The following GRIN2A variants were observed in gnomAD, a reference collection of about 807,000 sequenced individuals.
GRIN2A encodes the protein glutamate ionotropic receptor NMDA type subunit 2A.
In GRIN2A, 22 loss-of-function variants were observed where a neutral mutation model predicts 113.4. The ratio of observed to expected loss-of-function variants is 0.19; its 90% confidence interval spans 0.14 to 0.28. GRIN2A has a LOEUF of 0.28. Ranked by LOEUF, GRIN2A falls within the 10% of genes least tolerant of loss-of-function variation. The pLI is 1.00. For synonymous variants in GRIN2A, 827 were observed against 738.4 expected, an observed-to-expected ratio of 1.12 and a Z score of -1.94; for missense variants, 1,502 against 1,887.0, an observed-to-expected ratio of 0.80 and a Z score of 3.78.
chr16:9,920,945 C>A (rs982202989), intron 3 of GRIN2A, among the ~76,000 whole-genome samples: 4 of 152,150 alleles, frequency 2.6e-5, no homozygotes, highest in African/African-American at 9.7e-5. Flanking sequence ...TACTAAGATT[C>A]CCTTGCTGGG....
intron 4 of GRIN2A, among the ~76,000 whole-genome samples, 192 bp from the exon 5 acceptor site, chr16:9,850,153 C>T (rs1016648668): frequency 6.6e-6 from 1 of 152,168 alleles, no homozygotes; most frequent in African/African-American, 2.4e-5. Flanking sequence ...AGTTCTCCAT[C>T]CCAGCCGCCC....
chr16:10,169,962 T>C (rs778780633), intron 2 of GRIN2A, among the ~76,000 whole-genome samples: 3 of 152,118 alleles, frequency 2.0e-5, no homozygotes, highest in Admixed American at 6.5e-5. Context: ...CAATACAAAA[T>C]AAACAAACAA....
chr16:9,932,441 T>A (rs1009250378), intron 3 of GRIN2A, among the ~76,000 whole-genome samples: 5 of 152,150 alleles, frequency 3.3e-5, no homozygotes, highest in African/African-American at 1.2e-4. Flanking sequence ...AGTGACGTGA[T>A]CTCAGCTCAC....
chr16:9,920,123 T>C (rs1175462281), intron 3 of GRIN2A, among the ~76,000 whole-genome samples: 1 of 152,220 alleles, frequency 6.6e-6, no homozygotes, highest in East Asian at 1.9e-4. Flanking sequence ...TTTTCTGTTT[T>C]GTGCGTGACT....
intron 4 of GRIN2A, among the ~76,000 whole-genome samples, chr16:9,878,336 A>C (rs912570090): frequency 6.6e-5 from 10 of 152,190 alleles, no homozygotes; most frequent in Admixed American, 6.5e-4. Context: ...TTTCTCTCCT[A>C]TAACATGAGG....
At chr16:9,844,665 G>A (rs763908873) in intron 5 of GRIN2A, among the ~76,000 whole-genome samples, 15 of 152,196 alleles carry the variant, frequency 9.9e-5, no homozygotes, top group Non-Finnish European at 1.8e-4. Flanking sequence ...ACAGCCATGC[G>A]AGTCAGAGCT....
rs1157097600 is a variant in GRIN2A, at chr16:9,938,342, A to G, written c.624T>C (p.Thr208=). The G allele has an allele frequency of 6.2e-7, 1 of 1,613,946 alleles. No individual in the cohort carries two copies. The highest frequency in any genetic ancestry group is 1.3e-5 in the African/African-American group (1 of 74,924). ...WDMQNVITLD[T]SFEDAKTQVQ... is the part of the protein sequence containing the mutation. ...CTTGTGTCTTTGCATCCTCAAAGGA[A>G]GTGTCCAGTGTGATCACATTCTGCA... The change falls in exon 3 of 13, where the codon ACT becomes ACC. Residue 208 remains threonine (T), a synonymous_variant. Coordinates refer to ENST00000330684, the MANE Select transcript of GRIN2A (RefSeq NM_001134407.3).
chr16:10,162,712 CAG>C (rs1297985853), intron 2 of GRIN2A, among the ~76,000 whole-genome samples: 2 of 152,206 alleles, frequency 1.3e-5, no homozygotes, highest in African/African-American at 2.4e-5. Context: ...GTGTCACATT[CAG>C]AGATACTAGG....
chr16:10,012,833 C>T (rs1196910066), intron 2 of GRIN2A, among the ~76,000 whole-genome samples: 1 of 152,198 alleles, frequency 6.6e-6, no homozygotes, highest in Non-Finnish European at 1.5e-5. Context: ...GATTTTAGCT[C>T]CATGAGACCC....
intron 2 of GRIN2A, among the ~76,000 whole-genome samples, chr16:10,104,061 G>A (rs1309468408): frequency 6.6e-6 from 1 of 152,176 alleles, no homozygotes; most frequent in Non-Finnish European, 1.5e-5. Context: ...GAGCATAACC[G>A]AAGATACAAT....
intron 2 of GRIN2A, among the ~76,000 whole-genome samples, chr16:10,150,171 G>A (rs59199976): frequency 3.9e-5 from 6 of 152,294 alleles, no homozygotes; most frequent in African/African-American, 1.4e-4. Context: ...ATCCAGTTAG[G>A]TTGCAGTTCA....
intron 4 of GRIN2A, among the ~76,000 whole-genome samples, chr16:9,872,367 G>C (rs1326566717): frequency 6.6e-6 from 1 of 152,150 alleles, no homozygotes; most frequent in African/African-American, 2.4e-5. Flanking sequence ...CCATGATGCT[G>C]TTCTCTCTTT....
chr16:9,998,014 T>C (rs770586206), intron 2 of GRIN2A, among the ~76,000 whole-genome samples: 2 of 152,240 alleles, frequency 1.3e-5, no homozygotes, highest in Non-Finnish European at 2.9e-5. Context: ...ATGTACCTAC[T>C]ACATTTATTT....
intron 3 of GRIN2A, among the ~76,000 whole-genome samples, chr16:9,892,020 G>T (rs2043704421): frequency 6.6e-6 from 1 of 152,168 alleles, no homozygotes; most frequent in South Asian, 2.1e-4. Flanking sequence ...CCTGAAGTCA[G>T]GAGTTCGAGA....
At chr16:9,852,901 A>T (rs1450497744) in intron 4 of GRIN2A, among the ~76,000 whole-genome samples, 2 of 152,238 alleles carry the variant, frequency 1.3e-5, no homozygotes, top group Non-Finnish European at 2.9e-5. Context: ...ACTGTGCTAG[A>T]CACTGAGAAT....
intron 9 of GRIN2A, among the ~76,000 whole-genome samples, chr16:9,823,265 T>A (rs528629884): frequency 9.9e-5 from 15 of 152,136 alleles, no homozygotes; most frequent in Non-Finnish European, 2.1e-4. Context: ...ACACTAGAGA[T>A]GGTGGCGGGC....
intron 2 of GRIN2A, among the ~76,000 whole-genome samples, chr16:9,989,317 T>C (rs1341100918): frequency 6.6e-6 from 1 of 152,206 alleles, no homozygotes; most frequent in African/African-American, 2.4e-5. Context: ...TAAATGGTGC[T>C]GGGAAAACTG....
chr16:10,026,028 A>G (rs1173690069), intron 2 of GRIN2A, among the ~76,000 whole-genome samples: 1 of 152,184 alleles, frequency 6.6e-6, no homozygotes, highest in African/African-American at 2.4e-5. Context: ...GTCTGGCTAC[A>G]TCATCACTGT....
intron 2 of GRIN2A, among the ~76,000 whole-genome samples, chr16:10,169,950 G>A (rs756988784): frequency 6.6e-6 from 1 of 152,028 alleles, no homozygotes; most frequent in Non-Finnish European, 1.5e-5. Context: ...TGAGCTTCTG[G>A]TCAATACAAA....
Sources: allele counts gnomAD v4.1 joint callset (sites outside exome capture counted in the v4.1 genomes callset), GRCh38; gene constraint gnomAD v4.1.1; transcripts MANE v1.5; gene names NCBI Gene and HGNC (gene_info 2026-07-23, HGNC 2026-07-21).